LYRM7: variants seen among roughly 807,000 people sequenced by gnomAD.
LYRM7 encodes the protein complex III assembly factor LYRM7.
A neutral mutation model predicts 15.8 loss-of-function variants in LYRM7; 9 were observed. That is an observed-to-expected ratio of 0.57 (90% CI 0.34 to 0.99). The LOEUF is 0.99. Among genes scored for constraint, LYRM7 ranks in the 50% least tolerant of loss-of-function variants. The probability of loss-of-function intolerance (pLI) is 0.02; values close to 1 mark genes in which losing one functional copy is unlikely to be tolerated. For synonymous variants in LYRM7, 39 were observed against 39.4 expected, an observed-to-expected ratio of 0.99 and a Z score of 0.04; for missense variants, 115 against 119.1, an observed-to-expected ratio of 0.97 and a Z score of 0.16.
chr5:131,197,393 T>G (rs1229991465), intron 4 of LYRM7, among the ~76,000 whole-genome samples: 1 of 152,168 alleles, frequency 6.6e-6, no homozygotes, highest in Non-Finnish European at 1.5e-5. Context: ...GGTTAAATAA[T>G]ACTTATTTAA....
chr5:131,178,887 G>A (rs754614419), intron 1 of LYRM7, among the ~76,000 whole-genome samples: 5 of 150,986 alleles, frequency 3.3e-5, no homozygotes, highest in Non-Finnish European at 7.4e-5. Flanking sequence ...GCTTGAACTC[G>A]GGAGGTGGAG....
At chr5:131,179,226 A>G (rs552341277) in intron 1 of LYRM7, among the ~76,000 whole-genome samples, 1 of 152,118 alleles carries the variant, frequency 6.6e-6, no homozygotes, top group South Asian at 2.1e-4. Context: ...TATTTCAAAG[A>G]ACTTTGTATT....
At position 131,200,884 on chromosome 5, in the gene LYRM7, T is replaced by C. The variant is rs891536074; in HGVS notation, c.*1283T>C. ...TATTTTATCACTGAGCTTTTTTCTT[T>C]AACCTGAATTCCCTGTTCCATTTTT... On this transcript the variant is annotated 3_prime_UTR_variant, in exon 5 of 5. Transcript: ENST00000379380. The C allele has an allele frequency of 6.6e-6, 1 of 152,108 alleles. No homozygotes were observed. Among genetic ancestry groups the C allele is most frequent in the Admixed American group, 6.5e-5 (1 of 15,280 alleles). The allele number at this position is 152,108 out of a possible 1,614,324, so 9.4% of individuals were successfully genotyped here.
At position 131,202,697 on chromosome 5, in the gene LYRM7, T is replaced by A. The variant is rs1402931407; in HGVS notation, c.*3096T>A. The A allele has an allele frequency of 6.6e-6, 1 of 152,206 alleles. No homozygotes were observed. Among genetic ancestry groups the A allele is most frequent in the African/African-American group, 2.4e-5 (1 of 41,444 alleles). 9.4% of individuals were successfully genotyped at this position (152,206 alleles called of 1,614,324 possible). On this transcript the variant is annotated 3_prime_UTR_variant, in exon 5 of 5. Transcript: ENST00000379380. ...CAGCTTTAATTAAATGTTTTTTATT[T>A]GGTTATTTTTTTTAAGTTTTCTGTA...
chr5:131,178,154 G>A (rs974061056), intron 1 of LYRM7, among the ~76,000 whole-genome samples: 3 of 152,040 alleles, frequency 2.0e-5, no homozygotes, highest in African/African-American at 7.2e-5. Flanking sequence ...TGCCTTTGAT[G>A]TTATAGGTTT....
At chr5:131,179,444 CTTTTTCTTTTCTTTTTTT>C (rs1707279013) in intron 1 of LYRM7, among the ~76,000 whole-genome samples, 47 of 114,230 alleles carry the variant, frequency 4.1e-4, no homozygotes, top group East Asian at 9.6e-4. Flanking sequence ...TTTTCTTTTT[CTTTTTCTTTTCTTTTTTT>C]TTTTTTTTTT....
chr5:131,193,261 T>C (rs1238147732), intron 4 of LYRM7, among the ~76,000 whole-genome samples: 2 of 152,250 alleles, frequency 1.3e-5, no homozygotes, highest in Admixed American at 1.3e-4. Flanking sequence ...ATCGCTGTTA[T>C]GCTAGACGCC....
At chr5:131,180,212 T>A (rs1755669574) in intron 2 of LYRM7, 45 bp downstream of exon 2, 1 of 1,338,480 alleles carries the variant, frequency 7.5e-7, no homozygotes, top group Non-Finnish European at 1.1e-6. Context: ...ACTTTTTAGA[T>A]AACTACTAAT....
At chr5:131,194,099 C>A (rs6892191) in intron 4 of LYRM7, among the ~76,000 whole-genome samples, 7,210 of 152,076 alleles carry the variant, frequency 0.047, 423 homozygotes, top group African/African-American at 0.14. Context: ...AGGAAATAAA[C>A]CATGATCTCA....
Position 131,203,349 on chromosome 5 carries a change from A to G in LYRM7, c.*3748A>G, listed in dbSNP as rs1335688360. 1.3e-5 allele frequency: 2 copies of G among 152,246 alleles called. No individual in the cohort carries two copies. The highest frequency in any genetic ancestry group is 2.9e-5 in the Non-Finnish European group (2 of 68,042). The allele number at this position is 152,246 out of a possible 1,614,324, so 9.4% of individuals were successfully genotyped here. ...TATAACACTTAAAAAGGAGAGATAT[A>G]CTATGTTCCTAGATAGGACAATTGA... On this transcript the variant is annotated 3_prime_UTR_variant, in exon 5 of 5. Coordinates refer to ENST00000379380, the MANE Select transcript of LYRM7 (RefSeq NM_181705.4).
chr5:131,189,546 G>A (rs1227323785), intron 4 of LYRM7, among the ~76,000 whole-genome samples: 1 of 151,692 alleles, frequency 6.6e-6, no homozygotes, highest in Admixed American at 6.6e-5. Context: ...TGAGATGGGA[G>A]GGTCAAGATT....
rs1051538297 is a variant in LYRM7 at position 131,200,540 on chromosome 5, A to C, written c.*939A>C. 6.6e-6 allele frequency: 1 copy of C among 152,232 alleles called. No individual in the cohort carries two copies. The highest frequency in any genetic ancestry group is 6.6e-5 in the Admixed American group (1 of 15,260). 9.4% of individuals were successfully genotyped at this position (152,232 alleles called of 1,614,324 possible). A position where few individuals can be genotyped will look rare whatever the true frequency, so the allele number is the denominator to read the frequency against. ...TTTATCTGTGTATCTTTGCCATTCT[A>C]TTTTCTCAGTGAATAGTATGTTTTC... On this transcript the variant is annotated 3_prime_UTR_variant, in exon 5 of 5. Coordinates refer to ENST00000379380, the MANE Select transcript of LYRM7 (RefSeq NM_181705.4).
chr5:131,183,059 A>G (rs1401248597), intron 3 of LYRM7, among the ~76,000 whole-genome samples: 1 of 152,174 alleles, frequency 6.6e-6, no homozygotes, highest in Admixed American at 6.5e-5. Context: ...CTTTAAAAAG[A>G]ATCCTTTTTA....
intron 4 of LYRM7, among the ~76,000 whole-genome samples, chr5:131,193,517 T>C (rs1475627920): frequency 2.0e-5 from 3 of 152,082 alleles, no homozygotes; most frequent in Admixed American, 1.3e-4. Flanking sequence ...ATAATATACA[T>C]AATGTGCTTG....
Position 131,201,561 on chromosome 5 carries a change from A to G in LYRM7, c.*1960A>G, listed in dbSNP as rs1219121656. 1.3e-5 allele frequency: 2 copies of G among 151,946 alleles called. No homozygotes were observed. Among genetic ancestry groups the G allele is most frequent in the Non-Finnish European group, 2.9e-5 (2 of 68,022 alleles). 9.4% of individuals were successfully genotyped at this position (151,946 alleles called of 1,614,324 possible). On this transcript the variant is annotated 3_prime_UTR_variant, in exon 5 of 5. Coordinates refer to ENST00000379380, the MANE Select transcript of LYRM7 (RefSeq NM_181705.4). ...GGGAAACCCTGTCTCTACTAAAAAA[A>G]ATACAGAATTAGCCAGGTGTGGTGG...
Position 131,187,114 on chromosome 5 carries a change from G to C in LYRM7, c.244+5G>C. On this transcript the variant is annotated splice_donor_5th_base_variant and intron_variant, in intron 4 of 4. Transcript: ENST00000379380. Reference sequence around the variant, plus strand: ...ACACAGACCACAATACACTGAGTAAGTAAAATTAAAGAAAAATGGTTTCTA... The same window carrying C: ...ACACAGACCACAATACACTGAGTAACTAAAATTAAAGAAAAATGGTTTCTA... 5 of 1,465,306 alleles carry C rather than the reference G, an allele frequency of 3.4e-6. No homozygotes were observed. The highest frequency in any genetic ancestry group is 3.7e-6 in the Non-Finnish European group (4 of 1,070,220). 90.8% of individuals were successfully genotyped at this position (1,465,306 alleles called of 1,614,324 possible).
intron 4 of LYRM7, among the ~76,000 whole-genome samples, chr5:131,191,779 T>C (rs1332180513): frequency 6.6e-6 from 1 of 152,088 alleles, no homozygotes; most frequent in African/African-American, 2.4e-5. Flanking sequence ...AGGAGAACTC[T>C]TATACACTGT....
chr5:131,196,122 G>T (rs1448985580), intron 4 of LYRM7, among the ~76,000 whole-genome samples: 4 of 134,570 alleles, frequency 3.0e-5, no homozygotes, highest in Admixed American at 2.3e-4. Context: ...TTTTTTTTTG[G>T]AGATAGAGTG....
Position 131,204,467 on chromosome 5 carries a change from T to TACACACACACACACACACAC in LYRM7, c.*4894_*4913dup, listed in dbSNP as rs34794118. On this transcript the variant is annotated 3_prime_UTR_variant, in exon 5 of 5. Transcript: ENST00000379380. Reference sequence around the variant, plus strand: ...TTCCAAGAGTTGAAAAGGATGAGGATACACACACACACACACACACACACA... The same window carrying TACACACACACACACACACAC: ...TTCCAAGAGTTGAAAAGGATGAGGATACACACACACACACACACACACACACACACACACACACACACACA... 3.8e-5 allele frequency: 5 copies of TACACACACACACACACACAC among 130,730 alleles called. No homozygotes were observed. The highest frequency in any genetic ancestry group is 4.7e-4 in the East Asian group (2 of 4,300). The allele number at this position is 130,730 out of a possible 1,614,324, so 8.1% of individuals were successfully genotyped here. A position where few individuals can be genotyped will look rare whatever the true frequency, so the allele number is the denominator to read the frequency against.
Sources: allele counts gnomAD v4.1 joint callset (sites outside exome capture counted in the v4.1 genomes callset), GRCh38; gene constraint gnomAD v4.1.1; transcripts MANE v1.5; gene names NCBI Gene and HGNC (gene_info 2026-07-23, HGNC 2026-07-21).